NRAP: variants seen among roughly 807,000 people sequenced by gnomAD.
NRAP encodes nebulin related anchoring protein, also known as nebulin-related-anchoring protein.
A neutral mutation model predicts 225.9 loss-of-function variants in NRAP; 189 were observed. The observed-to-expected ratio is 0.84, with a 90% CI of 0.74 to 0.94. The LOEUF is 0.94. Among genes scored for constraint, NRAP ranks in the 40% least tolerant of loss-of-function variants. The probability of loss-of-function intolerance (pLI) is 0.00; values close to 1 mark genes in which losing one functional copy is unlikely to be tolerated. For missense variants in NRAP, 2,176 were observed against 2,168.7 expected, an observed-to-expected ratio of 1.00 and a Z score of -0.07; for synonymous variants, 769 against 790.7, an observed-to-expected ratio of 0.97 and a Z score of 0.46.
Position 113,610,572 on chromosome 10 carries a change from A to C in NRAP, c.3499-9T>G. On this transcript the variant is annotated splice_polypyrimidine_tract_variant and intron_variant, in intron 30 of 41. Coordinates refer to ENST00000359988, the MANE Select transcript of NRAP (RefSeq NM_198060.4). Reference sequence around the variant, plus strand: ...TCTGACCGGTACAAATTCTAGAAGAAATAATAAATACAAAGAATCAGAAAA... The same window carrying C: ...TCTGACCGGTACAAATTCTAGAAGACATAATAAATACAAAGAATCAGAAAA... 6.6e-7 allele frequency: 1 copy of C among 1,522,346 alleles called. No individual in the cohort carries two copies. The highest frequency in any genetic ancestry group is 1.7e-4 in the Middle Eastern group (1 of 5,852). The allele number at this position is 1,522,346 out of a possible 1,614,324, so 94.3% of individuals were successfully genotyped here.
At chr10:113,657,637 C>T in intron 3 of NRAP, 63 bp from the exon 4 acceptor site, 1 of 958,776 alleles carries the variant, frequency 1.0e-6, no homozygotes, top group Non-Finnish European at 1.7e-6. Context: ...CATAGACAAA[C>T]AATTCCTAGC....
At position 113,645,809 on chromosome 10, in the gene NRAP, C is replaced by T. The variant is rs56017080; in HGVS notation, c.1110+16G>A. 0.019 allele frequency: 23,631 copies of T among 1,266,798 alleles called. 266 individuals carry two copies. The highest frequency in any genetic ancestry group is 0.023 in the Non-Finnish European group (20,064 of 870,462). The allele number at this position is 1,266,798 out of a possible 1,614,324, so 78.5% of individuals were successfully genotyped here. On this transcript the variant is annotated intron_variant, in intron 11 of 41. Transcript: ENST00000359988. ...AGAGGTGATGCTCATGGGTGTGACT[C>T]TTCCCCCATACGCACCTCACTCACG...
At chr10:113,589,909 C>T in intron 40 of NRAP, 112 bp from the exon 41 acceptor site, 3 of 1,242,904 alleles carry the variant, frequency 2.4e-6, no homozygotes, top group Non-Finnish European at 3.4e-6. Flanking sequence ...TGTTGTCTGT[C>T]ATCAGTAAAG....
At chr10:113,623,156 G>A (rs1441531848) in intron 23 of NRAP, among the ~76,000 whole-genome samples, 1 of 152,214 alleles carries the variant, frequency 6.6e-6, no homozygotes, top group African/African-American at 2.4e-5. Flanking sequence ...TGATAGAGGT[G>A]GGATTTTATA....
At chr10:113,645,710 C>A (rs532629864) in intron 11 of NRAP, 115 bp downstream of exon 11, 54 of 599,808 alleles carry the variant, frequency 9.0e-5, no homozygotes, top group African/African-American at 8.9e-4. Context: ...AGCCACCGCA[C>A]CTGGCCGGTG....
At chr10:113,655,834 A>T (rs1850276132) in intron 4 of NRAP, among the ~76,000 whole-genome samples, 1 of 152,154 alleles carries the variant, frequency 6.6e-6, no homozygotes, top group African/African-American at 2.4e-5. Flanking sequence ...TATTTCCAAG[A>T]TATTTGTTGA....
intron 35 of NRAP, among the ~76,000 whole-genome samples, chr10:113,604,081 C>G (rs1245854410): frequency 2.6e-5 from 4 of 152,128 alleles, no homozygotes; most frequent in Non-Finnish European, 5.9e-5. Flanking sequence ...ACTCTCAGGG[C>G]TTAGAATGGT....
intron 32 of NRAP, 149 bp downstream of exon 32, chr10:113,608,265 A>G (rs1297997086): frequency 8.8e-6 from 5 of 566,282 alleles, no homozygotes; most frequent in Non-Finnish European, 1.6e-5. Flanking sequence ...CCTCTGGAAA[A>G]TGTTTAGGTT....
At chr10:113,652,446 C>G (rs967293868) in intron 6 of NRAP, among the ~76,000 whole-genome samples, 1 of 152,036 alleles carries the variant, frequency 6.6e-6, no homozygotes, top group Non-Finnish European at 1.5e-5. Context: ...TTAAGACCAT[C>G]CTGGCCAACA....
intron 14 of NRAP, among the ~76,000 whole-genome samples, chr10:113,637,621 G>A (rs1413621947): frequency 6.6e-6 from 1 of 152,094 alleles, no homozygotes; most frequent in Non-Finnish European, 1.5e-5. Flanking sequence ...TGTTGGATTT[G>A]GAGATTAAAA....
Position 113,633,168 on chromosome 10 carries a change from A to G in NRAP, c.1548T>C (p.Tyr516=). Residue 516 remains tyrosine, a synonymous_variant, in exon 16 of 42, where the codon TAT becomes TAC. Transcript: ENST00000359988. ...QLSHVNYRAD[Y]EKNKLNYTLP... ...ATGTGTAATTCAACTTATTTTTCTC[A>G]TAGTCAGCACGGTAATTCACCTGTT... is the stretch of plus-strand genomic sequence containing the variant. 1.3e-6 allele frequency: 2 copies of G among 1,596,318 alleles called. No individual in the cohort carries two copies. The highest frequency in any genetic ancestry group is 1.1e-5 in the South Asian group (1 of 90,740).
chr10:113,626,018 TG>T, intron 21 of NRAP, 28 bp downstream of exon 21: 2 of 1,518,138 alleles, frequency 1.3e-6, no homozygotes, highest in East Asian at 2.3e-5. Context: ...CACAGCAGCT[TG>T]GTGGAGAAAG....
intron 23 of NRAP, 99 bp from the exon 24 acceptor site, chr10:113,622,279 A>G: frequency 2.6e-6 from 2 of 762,012 alleles, no homozygotes; most frequent in Non-Finnish European, 2.2e-6. Context: ...GCCATTGGAC[A>G]GAATCCTATT....
intron 35 of NRAP, 22 bp downstream of exon 35, chr10:113,604,587 C>T: frequency 6.3e-7 from 1 of 1,599,062 alleles, no homozygotes; most frequent in Non-Finnish European, 8.6e-7. Flanking sequence ...GGCTGGTTTG[C>T]ATTCCACAAG....
At chr10:113,615,634 C>T (rs1847608149) in intron 27 of NRAP, 78 bp downstream of exon 27, 1 of 791,076 alleles carries the variant, frequency 1.3e-6, no homozygotes, top group Non-Finnish European at 2.3e-6. Flanking sequence ...GGCTTCTGAG[C>T]ACAGGGCATT....
At chr10:113,594,100 C>A (rs1449400225) in intron 38 of NRAP, among the ~76,000 whole-genome samples, 1 of 152,188 alleles carries the variant, frequency 6.6e-6, no homozygotes, top group East Asian at 1.9e-4. Context: ...TGATTTGGAA[C>A]CCTGGGCGTT....
At chr10:113,621,374 C>A (rs1387703111) in intron 24 of NRAP, among the ~76,000 whole-genome samples, 9 of 151,918 alleles carry the variant, frequency 5.9e-5, no homozygotes, top group Non-Finnish European at 1.3e-4. Flanking sequence ...CTGCAGCTGA[C>A]CTGCCTTTTC....
rs3127086 is a variant in NRAP, at chr10:113,624,708, C to A, written c.2349+118G>T. On this transcript the variant is annotated intron_variant, in intron 22 of 41. Coordinates refer to ENST00000359988, the MANE Select transcript of NRAP (RefSeq NM_198060.4). ...CTGGGTGAGCTGTTTTTACAACAAC[C>A]AGATGTATGTAACCTCAGTTGATAC... is the stretch of plus-strand genomic sequence containing the variant. 0.18 allele frequency: 130,683 copies of A among 713,572 alleles called. 13,803 individuals carry two copies. The highest frequency in any genetic ancestry group is 0.35 in the Admixed American group (15,949 of 45,074). The allele number at this position is 713,572 out of a possible 1,614,324, so 44.2% of individuals were successfully genotyped here.
At chr10:113,643,660 TA>T (rs1849337817) in intron 11 of NRAP, among the ~76,000 whole-genome samples, 1 of 152,194 alleles carries the variant, frequency 6.6e-6, no homozygotes, top group South Asian at 2.1e-4. Flanking sequence ...CTACATTTAT[TA>T]AATAGACTCC....
Sources: allele counts gnomAD v4.1 joint callset (sites outside exome capture counted in the v4.1 genomes callset), GRCh38; gene constraint gnomAD v4.1.1; transcripts MANE v1.5; gene names NCBI Gene and HGNC (gene_info 2026-07-23, HGNC 2026-07-21).